The following PLCH1 variants were observed in gnomAD, a reference collection of about 807,000 sequenced individuals.
The protein encoded by PLCH1 is 1-phosphatidylinositol 4,5-bisphosphate phosphodiesterase eta-1.
A neutral mutation model predicts 126.7 loss-of-function variants in PLCH1; 60 were observed. That is an observed-to-expected ratio of 0.47 (90% confidence interval 0.38 to 0.59). The LOEUF is 0.59. PLCH1 is among the 20% of genes least tolerant of loss of function. The pLI, the probability that PLCH1 is intolerant of heterozygous loss-of-function variation, is 0.00. For synonymous variants in PLCH1, 719 were observed against 734.9 expected (o/e 0.98, Z 0.35); for missense variants, 1,723 against 2,040.0 (o/e 0.84, Z 2.99).
chr3:155,465,907 A>G (rs1712911426), intron 21 of PLCH1, among the ~76,000 whole-genome samples: 2 of 152,152 alleles, frequency 1.3e-5, no homozygotes, highest in African/African-American at 4.8e-5. Flanking sequence ...CTTTGGAAAA[A>G]GGAGGGAAGA....
chr3:155,637,963 G>A (rs1268739643), intron 2 of PLCH1, among the ~76,000 whole-genome samples: 7 of 152,252 alleles, frequency 4.6e-5, no homozygotes, highest in Non-Finnish European at 8.8e-5. Context: ...GGAAGCAAGG[G>A]GTTCAACAGT....
chr3:155,623,756 C>T (rs1043780080), intron 2 of PLCH1, among the ~76,000 whole-genome samples: 1 of 152,120 alleles, frequency 6.6e-6, no homozygotes, highest in Non-Finnish European at 1.5e-5. Flanking sequence ...GAAATTGAGG[C>T]AGTAATTAAT....
intron 2 of PLCH1, among the ~76,000 whole-genome samples, chr3:155,642,035 G>A (rs1226676994): frequency 9.2e-5 from 14 of 152,198 alleles, no homozygotes; most frequent in Non-Finnish European, 1.5e-5. Context: ...AAAAAGAATA[G>A]CTAAATCTGC....
chr3:155,632,783 T>C (rs140313295), intron 2 of PLCH1, among the ~76,000 whole-genome samples: 74 of 152,324 alleles, frequency 4.9e-4, no homozygotes, highest in African/African-American at 1.6e-3. Context: ...AATATTATTA[T>C]TATGAATGCT....
intron 2 of PLCH1, among the ~76,000 whole-genome samples, chr3:155,607,828 T>C (rs192827531): frequency 2.0e-5 from 3 of 152,042 alleles, no homozygotes; most frequent in African/African-American, 7.2e-5. Context: ...GCAGCTACCA[T>C]TTGGATGGAC....
At chr3:155,711,354 C>T (rs983799764) in intron 1 of PLCH1, among the ~76,000 whole-genome samples, 1 of 152,012 alleles carries the variant, frequency 6.6e-6, no homozygotes, top group Non-Finnish European at 1.5e-5. Flanking sequence ...TTAACACGAC[C>T]AAAATTGTCA....
At chr3:155,581,824 A>G (rs1277433184) in intron 6 of PLCH1, among the ~76,000 whole-genome samples, 2 of 147,678 alleles carry the variant, frequency 1.4e-5, no homozygotes, top group Non-Finnish European at 3.0e-5. Flanking sequence ...TCGGCTCACC[A>G]CAACCTCCGC....
chr3:155,464,287 ACT>A (rs201421633), intron 21 of PLCH1, among the ~76,000 whole-genome samples: 2,023 of 152,076 alleles, frequency 0.013, 24 homozygotes, highest in Middle Eastern at 0.048. Flanking sequence ...CAAATCAAAG[ACT>A]CTCTATGCAA....
At chr3:155,734,145 C>T (rs984671106) in intron 1 of PLCH1, among the ~76,000 whole-genome samples, 2 of 151,820 alleles carry the variant, frequency 1.3e-5, no homozygotes, top group Non-Finnish European at 2.9e-5. Context: ...TAAATTAATA[C>T]GGCATGGAGG....
chr3:155,635,035 T>G (rs1738555140), intron 2 of PLCH1, among the ~76,000 whole-genome samples: 1 of 152,164 alleles, frequency 6.6e-6, no homozygotes, highest in South Asian at 2.1e-4. Flanking sequence ...GTTGTCTGTT[T>G]GATGGGACTG....
intron 1 of PLCH1, among the ~76,000 whole-genome samples, chr3:155,726,878 C>CT (rs201977097): frequency 0.085 from 11,300 of 133,054 alleles, 689 homozygotes; most frequent in African/African-American, 0.18. Context: ...TTTCTTTTTT[C>CT]TTTTTTTTTT....
chr3:155,615,197 T>A (rs1735642309), intron 2 of PLCH1, among the ~76,000 whole-genome samples: 1 of 152,182 alleles, frequency 6.6e-6, no homozygotes, highest in African/African-American at 2.4e-5. Flanking sequence ...TCAACATGAC[T>A]AATCATCAGA....
intron 2 of PLCH1, among the ~76,000 whole-genome samples, chr3:155,644,687 A>G (rs1287976876): frequency 6.6e-6 from 1 of 152,166 alleles, no homozygotes; most frequent in Non-Finnish European, 1.5e-5. Flanking sequence ...TTTGAAGGAG[A>G]AGGATAAGAA....
chr3:155,486,246 G>A, intron 21 of PLCH1: 1 of 1,312,338 alleles, frequency 7.6e-7, no homozygotes, highest in Non-Finnish European at 1.1e-6. Flanking sequence ...AACACAATTG[G>A]GGCTCATTGA....
At chr3:155,734,579 A>G (rs1036972070) in intron 1 of PLCH1, among the ~76,000 whole-genome samples, 1 of 152,174 alleles carries the variant, frequency 6.6e-6, no homozygotes, top group African/African-American at 2.4e-5. Context: ...AATTATCTTC[A>G]CTCACATGTT....
At chr3:155,720,516 T>C (rs1747874779) in intron 1 of PLCH1, among the ~76,000 whole-genome samples, 1 of 152,238 alleles carries the variant, frequency 6.6e-6, no homozygotes, top group South Asian at 2.1e-4. Flanking sequence ...TTTGTATATC[T>C]TCTTTTGAGA....
intron 10 of PLCH1, among the ~76,000 whole-genome samples, chr3:155,538,708 G>C (rs1399445060): frequency 6.6e-6 from 1 of 152,016 alleles, no homozygotes; most frequent in Non-Finnish European, 1.5e-5. Flanking sequence ...GGAAGAAACA[G>C]AAACTCTGAA....
intron 12 of PLCH1, among the ~76,000 whole-genome samples, chr3:155,512,443 G>C (rs895043353): frequency 1.4e-4 from 21 of 152,178 alleles, no homozygotes; most frequent in African/African-American, 4.8e-4. Context: ...CTATAATGGG[G>C]AAAGCTTAGG....
Position 155,482,962 on chromosome 3 carries a change from TGGA to T in PLCH1, c.3061_3063del (p.Ser1022del). 6.2e-7 allele frequency: 1 copy of T among 1,614,038 alleles called. No individual in the cohort carries two copies. Among genetic ancestry groups the T allele is most frequent in the Non-Finnish European group, 8.5e-7 (1 of 1,179,908 alleles). On this transcript the variant is annotated inframe_deletion, in exon 23 of 23. Coordinates refer to ENST00000460012, the MANE Select transcript of PLCH1 (RefSeq NM_014996.4). ...CTGGTATCTTTGTGGAGCAGAGCAC[TGGA>T]GGAGGATGATAACTTTTTGTTGAAA...
Sources: allele counts gnomAD v4.1 joint callset (sites outside exome capture counted in the v4.1 genomes callset), GRCh38; gene constraint gnomAD v4.1.1; transcripts MANE v1.5; gene names NCBI Gene and HGNC (gene_info 2026-07-23, HGNC 2026-07-21).